Variants in INSL6 observed in about 807,000 individuals in gnomAD.
The protein encoded by INSL6 is insulin like 6, also known as insulin-like peptide INSL6.
A neutral mutation model predicts 9.4 loss-of-function variants in INSL6; 16 were observed. The ratio of observed to expected loss-of-function variants is 1.70; its 90% CI spans 1.15 to 2.59. INSL6 has a LOEUF of 2.59. INSL6 is among the 30% of genes most tolerant of loss of function. The pLI, the probability that INSL6 is intolerant of heterozygous loss-of-function variation, is 0.00. For synonymous variants in INSL6, 154 were observed against 96.9 expected (o/e 1.59, Z -3.46); for missense variants, 391 against 257.3 (o/e 1.52, Z -3.56).
intron 3 of INSL6, among the ~76,000 whole-genome samples, chr9:5,130,457 T>C (rs190292846): frequency 1.3e-5 from 2 of 152,256 alleles, no homozygotes; most frequent in African/African-American, 4.8e-5. Context: ...AACAGGCAGC[T>C]AAGAAGGCAA....
intron 3 of INSL6, among the ~76,000 whole-genome samples, chr9:5,128,345 CAG>C (rs1216236752): frequency 1.3e-5 from 2 of 151,614 alleles, no homozygotes; most frequent in African/African-American, 2.4e-5. Flanking sequence ...TCTAAAATGA[CAG>C]TGAATTAGGT....
intron 1 of INSL6, among the ~76,000 whole-genome samples, chr9:5,169,519 T>A (rs1465887818): frequency 6.6e-6 from 1 of 152,056 alleles, no homozygotes; most frequent in Admixed American, 6.6e-5. Flanking sequence ...AATTCACACA[T>A]AACAATATTA....
chr9:5,131,435 A>ATTTTTTTTTTTTTTTTTTTTT (rs550915336), intron 3 of INSL6, among the ~76,000 whole-genome samples: 10 of 115,834 alleles, frequency 8.6e-5, no homozygotes, highest in African/African-American at 3.6e-4. Flanking sequence ...CCAGTTAACA[A>ATTTTTTTTTTTTTTTTTTTTT]TTTTTTTTTT....
the INSL6 span, chr9:5,112,516 C>G: frequency 1.7e-6 from 1 of 580,300 alleles, no homozygotes; most frequent in Non-Finnish European, 3.1e-6. Context: ...CCTTTTCCCC[C>G]CAGAGCAGAA....
intron 2 of INSL6, among the ~76,000 whole-genome samples, chr9:5,146,086 A>C (rs1586861360): frequency 6.7e-6 from 1 of 150,368 alleles, no homozygotes; most frequent in Admixed American, 6.6e-5. Flanking sequence ...GGGCTTATCT[A>C]CTTTCAATCT....
chr9:5,072,566 A>C, the INSL6 span: 2 of 1,611,514 alleles, frequency 1.2e-6, no homozygotes, highest in Non-Finnish European at 1.7e-6. Flanking sequence ...ACTACGGTCA[A>C]CTGCATGAAA....
Position 5,153,199 on chromosome 9 carries a change from A to G in INSL6, c.376+10980T>C, listed in dbSNP as rs1181204727. ...GAATGTCAGTGAGACAGAACCGTTC[A>G]CTCCCCTGAAAAGGGGGCTGAAGCC... On this transcript the variant is annotated intron_variant, in intron 2 of 3. Coordinates refer to the INSL6 transcript ENST00000649639. Among the ~76,000 whole-genome samples, 11 of 150,016 alleles carry G rather than the reference A, an allele frequency of 7.3e-5. No homozygotes were observed. In the East Asian group the frequency reaches 2.2e-3, roughly 30 times the overall value.
chr9:5,043,016 C>G, the INSL6 span, among the ~76,000 whole-genome samples: 1 of 152,194 alleles, frequency 6.6e-6, no homozygotes, highest in Non-Finnish European at 1.5e-5. Context: ...TCGCGCGGCT[C>G]GGCCCCTGGG....
chr9:5,180,549 G>A (rs537807065), intron 1 of INSL6, among the ~76,000 whole-genome samples: 14 of 152,194 alleles, frequency 9.2e-5, no homozygotes, highest in African/African-American at 2.6e-4. Flanking sequence ...ATAAACAGCC[G>A]CTTCGGGAAT....
the INSL6 span, among the ~76,000 whole-genome samples, chr9:5,093,021 T>A: frequency 3.0e-3 from 450 of 152,268 alleles, 2 homozygotes; most frequent in African/African-American, 9.7e-3. Flanking sequence ...GTATCTTAAA[T>A]TCTAATCACT....
chr9:5,108,551 C>T, the INSL6 span: 9 of 152,078 alleles, frequency 5.9e-5, no homozygotes, highest in South Asian at 2.1e-4. Flanking sequence ...TAACTCTATT[C>T]GGACTTCACC....
chr9:5,000,048 A>G, the INSL6 span, among the ~76,000 whole-genome samples: 1 of 152,138 alleles, frequency 6.6e-6, no homozygotes, highest in African/African-American at 2.4e-5. Flanking sequence ...TATGTTGACC[A>G]TGTTTTCATT....
At chr9:5,163,766 C>T, downstream of INSL6, 1 of 606,200 alleles carries the variant, frequency 1.6e-6, no homozygotes, top group Non-Finnish European at 2.9e-6. Context: ...ACTAAGATAC[C>T]TATTACCACT....
intron 1 of INSL6, among the ~76,000 whole-genome samples, chr9:5,177,509 A>G (rs1825338029): frequency 6.6e-6 from 1 of 152,174 alleles, no homozygotes; most frequent in African/African-American, 2.4e-5. Flanking sequence ...TCAGGCACAC[A>G]ATGAGGCCCA....
At chr9:5,168,244 T>C (rs1195720527) in intron 1 of INSL6, among the ~76,000 whole-genome samples, 1 of 152,156 alleles carries the variant, frequency 6.6e-6, no homozygotes, top group Non-Finnish European at 1.5e-5. Context: ...TTGACAGAAG[T>C]AAGCTTCAAA....
At chr9:5,069,744 A>C in the INSL6 span, among the ~76,000 whole-genome samples, 1 of 152,156 alleles carries the variant, frequency 6.6e-6, no homozygotes, top group Non-Finnish European at 1.5e-5. Flanking sequence ...TGAAGTAACT[A>C]AGAAGAAATA....
the INSL6 span, among the ~76,000 whole-genome samples, chr9:5,038,321 C>G: frequency 6.6e-6 from 1 of 151,930 alleles, no homozygotes; most frequent in African/African-American, 2.4e-5. Flanking sequence ...AAGCCCAGGC[C>G]CAAGTGGCTT....
chr9:5,185,383 C>A lies in INSL6; in HGVS notation c.220G>T (p.Ala74Ser), dbSNP rs762155136. Residue 74 changes from alanine (A) to serine (S), a missense_variant, in exon 1 of 2, where the codon GCC becomes TCC. By Grantham distance (99) the Ala-to-Ser change is moderately conservative. Coordinates refer to ENST00000381641, the MANE Select transcript of INSL6 (RefSeq NM_007179.3). ...LIAQASEKVE[A>S]YSPYQFESPQ... is the part of the protein sequence containing the mutation. ...CTTTCGAACTGGTATGGGCTGTAGGCTTCGACCTTCTCCGAGGCCTGTGCA... is the reference window on the plus strand; with the variant it reads ...CTTTCGAACTGGTATGGGCTGTAGGATTCGACCTTCTCCGAGGCCTGTGCA... The A allele has an allele frequency of 1.2e-6, 2 of 1,614,134 alleles. No individual in the cohort carries two copies. Among genetic ancestry groups the A allele is most frequent in the East Asian group, 2.2e-5 (1 of 44,870 alleles).
At chr9:5,081,770 T>C in the INSL6 span, 1 of 1,602,624 alleles carries the variant, frequency 6.2e-7, no homozygotes, top group Non-Finnish European at 8.5e-7. Flanking sequence ...AATATGAGGA[T>C]AGGTGCCCTG....
Sources: gnomAD v4.1 joint callset for allele counts (sites outside exome capture counted in the v4.1 genomes callset) on GRCh38, gnomAD v4.1.1 for gene constraint, MANE v1.5 for transcripts, NCBI Gene and HGNC (gene_info 2026-07-23, HGNC 2026-07-21) for gene names.